Variants in SGPP1 observed in about 807,000 individuals in gnomAD.
The protein encoded by SGPP1 is hSPP1.
In SGPP1, 21 loss-of-function variants were observed where a neutral mutation model predicts 33.0. That is an observed-to-expected ratio of 0.64 (90% CI 0.45 to 0.92). SGPP1 has a LOEUF of 0.92. Ranked by LOEUF, SGPP1 falls within the 40% of genes least tolerant of loss-of-function variation. SGPP1 has a pLI of 0.00. For synonymous variants in SGPP1, 239 were observed against 241.2 expected, an observed-to-expected ratio of 0.99 and a Z score of 0.08; for missense variants, 543 against 589.4, an observed-to-expected ratio of 0.92 and a Z score of 0.81.
intron 1 of SGPP1, among the ~76,000 whole-genome samples, chr14:63,702,473 G>T (rs1429888845): frequency 1.3e-5 from 2 of 152,146 alleles, no homozygotes; most frequent in Admixed American, 6.5e-5. Context: ...ACTTTGGAAG[G>T]TCGAGGCAGG....
At chr14:63,691,568 T>C (rs1181007823) in intron 2 of SGPP1, among the ~76,000 whole-genome samples, 1 of 152,184 alleles carries the variant, frequency 6.6e-6, no homozygotes, top group Non-Finnish European at 1.5e-5. Context: ...CTGTTTTCCA[T>C]TCTTTGCTTG....
intron 1 of SGPP1, among the ~76,000 whole-genome samples, chr14:63,699,721 CAG>C (rs1296084246): frequency 1.4e-5 from 2 of 143,470 alleles, no homozygotes; most frequent in African/African-American, 3.0e-5. Context: ...GAACTACAGG[CAG>C]AGTTGTTTTT....
chr14:63,703,199 A>C (rs2139640088), intron 1 of SGPP1, among the ~76,000 whole-genome samples: 1 of 149,136 alleles, frequency 6.7e-6, no homozygotes, highest in Non-Finnish European at 1.5e-5. Context: ...GTGTTTCTAC[A>C]TACCAGCAAT....
intron 1 of SGPP1, among the ~76,000 whole-genome samples, chr14:63,722,722 T>C (rs1162932600): frequency 6.6e-6 from 1 of 151,872 alleles, no homozygotes; most frequent in Non-Finnish European, 1.5e-5. Context: ...TACCAGCACT[T>C]TGGGAGGCCG....
intron 1 of SGPP1, among the ~76,000 whole-genome samples, chr14:63,716,491 C>T (rs1308148986): frequency 6.6e-6 from 1 of 151,434 alleles, no homozygotes; most frequent in Non-Finnish European, 1.5e-5. Context: ...AAGACTCAGT[C>T]TCAAAAAAAC....
At position 63,701,559 on chromosome 14, in the gene SGPP1, CAA is replaced by C. The variant is rs377762141; in HGVS notation, c.685-2903_685-2902del. ...TATACTAGGCAGGCGAATCAGTGAG[CAA>C]AGTTTCTGATCACCAAGTATGACTG... On this transcript the variant is annotated intron_variant, in intron 1 of 2. Coordinates refer to ENST00000247225, the MANE Select transcript of SGPP1 (RefSeq NM_030791.4). Among the ~76,000 whole-genome samples, 111 of 152,112 alleles carry C rather than the reference CAA, an allele frequency of 7.3e-4. 2 individuals are homozygous for C. In the East Asian group the frequency reaches 0.012, roughly 16 times the overall value.
In SGPP1 at chr14:63,728,055, T is replaced by A. The variant is rs1205819084; in HGVS notation, c.-111A>T. ...GCACAGCGCTCTACCCTCCGGAGTC[T>A]GCCGGGTGACGGCGCCACAGGCCGC... On this transcript the variant is annotated 5_prime_UTR_variant, in exon 1 of 3. Transcript: ENST00000247225. The A allele has an allele frequency of 3.5e-6, 4 of 1,154,760 alleles. No homozygotes were observed. Among genetic ancestry groups the A allele is most frequent in the Non-Finnish European group, 4.4e-6 (4 of 916,838 alleles). The allele number at this position is 1,154,760 out of a possible 1,614,324, so 71.5% of individuals were successfully genotyped here.
At chr14:63,711,017 T>TC (rs1555380530) in intron 1 of SGPP1, among the ~76,000 whole-genome samples, 2 of 147,172 alleles carry the variant, frequency 1.4e-5, no homozygotes, top group African/African-American at 2.5e-5. Context: ...TTTTCTTTCT[T>TC]TTTTTTTTTT....
intron 1 of SGPP1, among the ~76,000 whole-genome samples, chr14:63,723,445 G>T (rs541483675): frequency 2.8e-4 from 43 of 152,222 alleles, no homozygotes; most frequent in Admixed American, 1.6e-3. Flanking sequence ...TTCAGGCAGG[G>T]TGCAGTGACT....
rs567674154 is a variant in SGPP1, at chr14:63,715,609, G to A, written c.684+11652C>T. ...GCAGTTTCCAGGCTGTAGCACAGGA[G>A]GAAGAATCAAAACTGAGTCCAGCAG... On this transcript the variant is annotated intron_variant, in intron 1 of 2. Transcript: ENST00000247225. 1.1e-4 allele frequency among the ~76,000 whole-genome samples: 17 copies of A among 152,236 alleles called. No homozygotes were observed. The East Asian group carries it at 3.1e-3, about 28-fold the overall frequency.
intron 2 of SGPP1, among the ~76,000 whole-genome samples, chr14:63,697,502 C>G (rs1157844688): frequency 6.6e-6 from 1 of 152,140 alleles, no homozygotes; most frequent in African/African-American, 2.4e-5. Context: ...ATAATTCATT[C>G]ATAGATGCCT....
rs1884974945 is a variant in SGPP1, at chr14:63,686,364, G to C, written c.1067C>G (p.Pro356Arg). The C allele has an allele frequency of 1.2e-6, 2 of 1,614,030 alleles. No individual in the cohort carries two copies. The highest frequency in any genetic ancestry group is 1.7e-6 in the Non-Finnish European group (2 of 1,179,994). The change falls in exon 3 of 3, where the codon CCC becomes CGC. Residue 356 changes from proline (P) to arginine (R), a missense_variant. Transcript: ENST00000247225. ...SLDTLPLAGP[P>R]ITVTLFGKAI... is the part of the protein sequence containing the mutation. ...TTTTCCAAACAGAGTCACAGTAATG[G>C]GGGGCCCAGCTAAAGGTAATGTATC...
chr14:63,696,328 T>G (rs1392151141), intron 2 of SGPP1, among the ~76,000 whole-genome samples: 2 of 152,206 alleles, frequency 1.3e-5, no homozygotes, highest in Admixed American at 1.3e-4. Context: ...ATATATTCAA[T>G]GTGATCACAT....
intron 1 of SGPP1, among the ~76,000 whole-genome samples, chr14:63,701,522 G>A (rs1272246555): frequency 6.6e-6 from 1 of 152,130 alleles, no homozygotes; most frequent in Non-Finnish European, 1.5e-5. Flanking sequence ...CAGATTATCT[G>A]TGGGAATAGC....
intron 2 of SGPP1, among the ~76,000 whole-genome samples, chr14:63,695,336 G>A (rs188457403): frequency 1.6e-4 from 24 of 152,320 alleles, no homozygotes; most frequent in African/African-American, 5.5e-4. Context: ...GATTACAGGC[G>A]TGAGCCACCA....
intron 1 of SGPP1, among the ~76,000 whole-genome samples, chr14:63,711,328 T>C (rs906092395): frequency 7.2e-5 from 11 of 152,198 alleles, no homozygotes; most frequent in African/African-American, 2.7e-4. Context: ...AAGATTGTTT[T>C]CTAGGGATTT....
intron 2 of SGPP1, among the ~76,000 whole-genome samples, chr14:63,698,014 T>G (rs960360427): frequency 6.6e-6 from 1 of 152,082 alleles, no homozygotes; most frequent in Admixed American, 6.6e-5. Flanking sequence ...GGAGGGAAAG[T>G]GAATGGGTGT....
intron 2 of SGPP1, 130 bp downstream of exon 2, chr14:63,698,439 A>G (rs1885231219): frequency 1.0e-5 from 5 of 479,368 alleles, no homozygotes; most frequent in Non-Finnish European, 1.5e-5. Context: ...TATTTTCGCA[A>G]AACAAAGTTA....
chr14:63,719,319 T>A (rs1443298877), intron 1 of SGPP1, among the ~76,000 whole-genome samples: 1 of 151,790 alleles, frequency 6.6e-6, no homozygotes, highest in Non-Finnish European at 1.5e-5. Flanking sequence ...AAAAATTATT[T>A]TTTTTTAATT....
Sources: allele counts gnomAD v4.1 joint callset (sites outside exome capture counted in the v4.1 genomes callset), GRCh38; gene constraint gnomAD v4.1.1; transcripts MANE v1.5; gene names NCBI Gene and HGNC (gene_info 2026-07-23, HGNC 2026-07-21).